Variants in MARK1 observed in about 807,000 individuals in gnomAD.
MARK1 encodes the protein microtubule affinity regulating kinase 1.
MARK1 carries 40 observed loss-of-function variants against 96.3 expected under a neutral mutation model. The ratio of observed to expected loss-of-function variants is 0.42; its 90% CI spans 0.32 to 0.54. MARK1 has a LOEUF of 0.54. Among genes scored for constraint, MARK1 ranks in the 20% least tolerant of loss-of-function variants. MARK1 has a pLI of 0.16. For missense variants in MARK1, 719 were observed against 984.6 expected (o/e 0.73, Z 3.61); for synonymous variants, 317 against 341.2 (o/e 0.93, Z 0.78).
At chr1:220,542,443 A>G (rs1179839037) in intron 1 of MARK1, among the ~76,000 whole-genome samples, 1 of 152,134 alleles carries the variant, frequency 6.6e-6, no homozygotes, top group Non-Finnish European at 1.5e-5. Context: ...ATGTGCTGGT[A>G]TTTGATGGTG....
chr1:220,534,841 G>A (rs1660574113), intron 1 of MARK1, among the ~76,000 whole-genome samples: 1 of 152,066 alleles, frequency 6.6e-6, no homozygotes, highest in Non-Finnish European at 1.5e-5. Context: ...CCATGTTATA[G>A]CATATGACAG....
intron 1 of MARK1, among the ~76,000 whole-genome samples, chr1:220,559,418 C>G (rs1662512047): frequency 6.6e-6 from 1 of 152,106 alleles, no homozygotes; most frequent in Admixed American, 6.6e-5. Flanking sequence ...GAAGTAAACA[C>G]AGAGAAGTGA....
At chr1:220,580,966 A>T in intron 2 of MARK1, 99 bp from the exon 3 acceptor site, 1 of 432,466 alleles carries the variant, frequency 2.3e-6, no homozygotes, top group Non-Finnish European at 4.1e-6. Context: ...GAGCTAAATT[A>T]TATCTAGTTA....
intron 16 of MARK1, among the ~76,000 whole-genome samples, chr1:220,653,626 C>A (rs1669013396): frequency 6.6e-6 from 1 of 151,968 alleles, no homozygotes; most frequent in African/African-American, 2.4e-5. Flanking sequence ...TGTGTTTTAA[C>A]AAAAGATTAT....
chr1:220,611,270 C>CCT (rs1323926356), intron 6 of MARK1, among the ~76,000 whole-genome samples: 2 of 152,214 alleles, frequency 1.3e-5, no homozygotes, highest in African/African-American at 2.4e-5. Context: ...CCTACTCAAG[C>CCT]CTCAGCATTG....
chr1:220,602,030 A>G (rs1458738791), intron 5 of MARK1, among the ~76,000 whole-genome samples: 1 of 152,230 alleles, frequency 6.6e-6, no homozygotes, highest in African/African-American at 2.4e-5. Context: ...TTTTTAATCC[A>G]TAAATGGCAA....
chr1:220,635,392 CGTT>C lies in MARK1; in HGVS notation c.1140_1142del (p.Leu381del). ...TTCTTATAGTTTGAAGGTGGTGAATCGTTATCCAGTGGAAACTTGTGTCAGAGG... is the reference window on the plus strand; with the variant it reads ...TTCTTATAGTTTGAAGGTGGTGAATCATCCAGTGGAAACTTGTGTCAGAGG... On this transcript the variant is annotated inframe_deletion, in exon 12 of 18. Coordinates refer to ENST00000366917, the MANE Select transcript of MARK1 (RefSeq NM_018650.5). 6.5e-7 allele frequency: 1 copy of C among 1,549,838 alleles called. No individual in the cohort carries two copies. Among genetic ancestry groups the C allele is most frequent in the Non-Finnish European group, 8.7e-7 (1 of 1,146,378 alleles).
intron 1 of MARK1, among the ~76,000 whole-genome samples, chr1:220,546,995 G>T (rs11118571): frequency 0.12 from 17,109 of 148,672 alleles, 1,313 homozygotes; most frequent in Non-Finnish European, 0.17. Flanking sequence ...AAAGAAAAAA[G>T]AAAAGAAAAG....
In MARK1 at chr1:220,663,986, A is replaced by G. The variant is rs140113632; in HGVS notation, c.*1820A>G. On this transcript the variant is annotated 3_prime_UTR_variant, in exon 18 of 18. Transcript: ENST00000366917. ...CAAAAGTATTCTGTATGAGGAGTTT[A>G]TTGTATGTGTTCTAAATTTAGTTGG... 6.5e-6 allele frequency: 1 copy of G among 152,672 alleles called. No individual in the cohort carries two copies. The highest frequency in any genetic ancestry group is 1.5e-5 in the Non-Finnish European group (1 of 67,992). 9.5% of individuals were successfully genotyped at this position (152,672 alleles called of 1,614,324 possible).
chr1:220,627,144 T>C lies in MARK1; in HGVS notation c.910-3891T>C, dbSNP rs1290086604. 1.8e-5 allele frequency: 9 copies of C among 496,860 alleles called. No homozygotes were observed. The East Asian group carries it at 4.3e-4, about 24-fold the overall frequency. The allele number at this position is 496,860 out of a possible 1,614,324, so 30.8% of individuals were successfully genotyped here. A position where few individuals can be genotyped will look rare whatever the true frequency, so the allele number is the denominator to read the frequency against. On this transcript the variant is annotated intron_variant, in intron 9 of 17. Coordinates refer to ENST00000366917, the MANE Select transcript of MARK1 (RefSeq NM_018650.5). ...GCTGCCCCACAAACCTGGGTCCAAA[T>C]GCAGGTGATTCCAGAGGATCTGTCC...
intron 1 of MARK1, among the ~76,000 whole-genome samples, chr1:220,574,733 A>G (rs1209580515): frequency 6.6e-6 from 1 of 152,152 alleles, no homozygotes; most frequent in Admixed American, 6.5e-5. Context: ...AGTTAGTTAC[A>G]AACTATTCTT....
chr1:220,537,000 T>G (rs183779376), intron 1 of MARK1, among the ~76,000 whole-genome samples: 2 of 152,310 alleles, frequency 1.3e-5, no homozygotes. Context: ...TTTTCAGTTT[T>G]TAAGTTCAGG....
chr1:220,609,604 T>C (rs1666309177), intron 6 of MARK1, among the ~76,000 whole-genome samples: 2 of 152,326 alleles, frequency 1.3e-5, no homozygotes, highest in Middle Eastern at 3.4e-3. Flanking sequence ...ATTACAACGT[T>C]TGCTGGTTAT....
intron 1 of MARK1, among the ~76,000 whole-genome samples, chr1:220,560,411 A>G (rs1662588436): frequency 6.6e-6 from 1 of 152,022 alleles, no homozygotes; most frequent in Admixed American, 6.5e-5. Context: ...TCAGCATGGG[A>G]TTATTATTTT....
chr1:220,581,103 T>C lies in MARK1; in HGVS notation c.294T>C (p.Pro98=). ...TAATAGACAAAACTCAGCTAAATCCTACCAGTCTACAAAAGGTATTTAATT... is the reference window on the plus strand; with the variant it reads ...TAATAGACAAAACTCAGCTAAATCCCACCAGTCTACAAAAGGTATTTAATT... The part of the protein sequence containing the change: ...VKIIDKTQLN[P]TSLQKLFREV... Residue 98 remains proline, a synonymous_variant, in exon 3 of 18, where the codon CCT becomes CCC. Coordinates refer to ENST00000366917, the MANE Select transcript of MARK1 (RefSeq NM_018650.5). The C allele has an allele frequency of 2.4e-6, 3 of 1,265,114 alleles. No individual in the cohort carries two copies. Among genetic ancestry groups the C allele is most frequent in the Non-Finnish European group, 3.2e-6 (3 of 950,708 alleles). 78.4% of individuals were successfully genotyped at this position (1,265,114 alleles called of 1,614,324 possible).
At chr1:220,638,170 T>C (rs948034332) in intron 13 of MARK1, among the ~76,000 whole-genome samples, 3 of 152,022 alleles carry the variant, frequency 2.0e-5, no homozygotes, top group African/African-American at 7.2e-5. Context: ...GAGGACAGTT[T>C]CCAGTGTAAT....
chr1:220,572,471 G>A (rs1006444546), intron 1 of MARK1, among the ~76,000 whole-genome samples: 1 of 152,158 alleles, frequency 6.6e-6, no homozygotes, highest in African/African-American at 2.4e-5. Flanking sequence ...TTGAACTCCC[G>A]ACCTCAGGTG....
At chr1:220,592,219 C>CATATATT (rs959896118) in intron 3 of MARK1, among the ~76,000 whole-genome samples, 6 of 136,542 alleles carry the variant, frequency 4.4e-5, no homozygotes, top group African/African-American at 1.6e-4. Flanking sequence ...ATGATTATAT[C>CATATATT]ATATTATATT....
At chr1:220,550,602 C>G (rs1048851982) in intron 1 of MARK1, among the ~76,000 whole-genome samples, 5 of 152,200 alleles carry the variant, frequency 3.3e-5, no homozygotes, top group Non-Finnish European at 7.3e-5. Flanking sequence ...AATCTGCATG[C>G]CTTGGCCTCC....
Sources: gnomAD v4.1 joint callset for allele counts (sites outside exome capture counted in the v4.1 genomes callset) on GRCh38, gnomAD v4.1.1 for gene constraint, MANE v1.5 for transcripts, NCBI Gene and HGNC (gene_info 2026-07-23, HGNC 2026-07-21) for gene names.